The following ATF7 variants were observed in gnomAD, a reference collection of about 807,000 sequenced individuals.
ATF7 encodes cyclic AMP-dependent transcription factor ATF-7.
A neutral mutation model predicts 50.4 loss-of-function variants in ATF7; 10 were observed. The observed-to-expected ratio is 0.20, with a 90% CI of 0.12 to 0.34. The LOEUF (loss-of-function observed/expected upper bound fraction) is 0.34. Ranked by LOEUF, ATF7 falls within the 10% of genes least tolerant of loss-of-function variation. The pLI, the probability that ATF7 is intolerant of heterozygous loss-of-function variation, is 1.00. For missense variants in ATF7, 465 were observed against 613.9 expected (o/e 0.76, Z 2.56); for synonymous variants, 201 against 226.4 (o/e 0.89, Z 1.01).
intron 2 of ATF7, among the ~76,000 whole-genome samples, chr12:53,582,579 T>A (rs1942482774): frequency 6.6e-6 from 1 of 152,002 alleles, no homozygotes; most frequent in Non-Finnish European, 1.5e-5. Flanking sequence ...ATATATATTT[T>A]ATTTATTTAT....
intron 2 of ATF7, among the ~76,000 whole-genome samples, chr12:53,573,964 T>G (rs1179752274): frequency 6.6e-6 from 1 of 152,170 alleles, no homozygotes; most frequent in Non-Finnish European, 1.5e-5. Context: ...ACACTTCCAG[T>G]TCCCCTCCCT....
At chr12:53,607,442 CTCTAT>C (rs1943662139) in intron 1 of ATF7, among the ~76,000 whole-genome samples, 1 of 152,104 alleles carries the variant, frequency 6.6e-6, no homozygotes. Context: ...CTTTCAGTCT[CTCTAT>C]TCTAAGGATA....
chr12:53,614,137 A>G (rs1944013757), intron 1 of ATF7, among the ~76,000 whole-genome samples: 1 of 152,178 alleles, frequency 6.6e-6, no homozygotes, highest in Admixed American at 6.5e-5. Context: ...ACAGGCAACT[A>G]CTTGAAGTTT....
intron 1 of ATF7, among the ~76,000 whole-genome samples, chr12:53,623,209 C>A (rs1565611444): frequency 1.3e-5 from 2 of 152,074 alleles, no homozygotes; most frequent in African/African-American, 4.8e-5. Context: ...TTAGAGTATT[C>A]AAAAGTCAAA....
chr12:53,532,761 A>C, intron 7 of ATF7, 138 bp from the exon 8 acceptor site: 1 of 626,228 alleles, frequency 1.6e-6, no homozygotes, highest in Non-Finnish European at 2.8e-6. Flanking sequence ...TAGGGCGTGC[A>C]GGGACAGCCT....
At chr12:53,588,501 C>T (rs755529059) in intron 2 of ATF7, among the ~76,000 whole-genome samples, 17 of 152,292 alleles carry the variant, frequency 1.1e-4, no homozygotes, top group Non-Finnish European at 1.8e-4. Context: ...TTTCCTCTTA[C>T]CAATAAGTAT....
rs1315949715 is a variant in ATF7, at chr12:53,568,429, T to C, written c.49-15792A>G. On this transcript the variant is annotated intron_variant, in intron 2 of 11. Transcript: ENST00000420353. ...TCTCTCTCTCTTTCTCTCTCTCTCCTTCCCTCACTTTAAAATAATACCAAA... is the reference window on the plus strand; with the variant it reads ...TCTCTCTCTCTTTCTCTCTCTCTCCCTCCCTCACTTTAAAATAATACCAAA... Among the ~76,000 whole-genome samples the C allele has an allele frequency of 1.3e-5, 2 of 152,144 alleles. 1 individual carries two copies. Among genetic ancestry groups the C allele is most frequent in the Admixed American group, 1.3e-4 (2 of 15,274 alleles).
At chr12:53,525,906 T>A (rs1474061488) in intron 9 of ATF7, among the ~76,000 whole-genome samples, 1 of 152,088 alleles carries the variant, frequency 6.6e-6, no homozygotes, top group African/African-American at 2.4e-5. Flanking sequence ...CATGCAGATT[T>A]AAAAAAATAA....
chr12:53,590,952 C>T (rs1942913425), intron 2 of ATF7, among the ~76,000 whole-genome samples: 1 of 152,064 alleles, frequency 6.6e-6, no homozygotes, highest in African/African-American at 2.4e-5. Flanking sequence ...ATAGTAGATA[C>T]ATATTATTAT....
At chr12:53,537,057 G>A (rs985463843) in intron 5 of ATF7, among the ~76,000 whole-genome samples, 2 of 151,778 alleles carry the variant, frequency 1.3e-5, no homozygotes, top group African/African-American at 4.8e-5. Flanking sequence ...AAATACAATC[G>A]GTCCTCCTAT....
At position 53,517,364 on chromosome 12, in the gene ATF7, A is replaced by C; in HGVS notation, c.1235-10T>G. 1 of 1,609,678 alleles carries C rather than the reference A, an allele frequency of 6.2e-7. No individual in the cohort carries two copies. Among genetic ancestry groups the C allele is most frequent in the East Asian group, 2.2e-5 (1 of 44,840 alleles). On this transcript the variant is annotated splice_polypyrimidine_tract_variant and intron_variant, in intron 11 of 11. Coordinates refer to ENST00000420353, the MANE Select transcript of ATF7 (RefSeq NM_006856.3). ...CTTTCCTTGGGGCTTTCTGCCAGGA[A>C]GGAGGGCAAAGAGCAGAGAGCAATT...
chr12:53,622,864 T>C (rs1245952042), intron 1 of ATF7, among the ~76,000 whole-genome samples: 1 of 152,064 alleles, frequency 6.6e-6, no homozygotes. Context: ...TCCCAGCTAC[T>C]TGGAGGCTGG....
At chr12:53,600,859 G>A (rs973766768) in intron 2 of ATF7, 94 bp downstream of exon 2, 12 of 1,276,534 alleles carry the variant, frequency 9.4e-6, no homozygotes, top group African/African-American at 2.9e-5. Flanking sequence ...CAGTGATCAC[G>A]TAAAATACTG....
In ATF7 at chr12:53,552,580, T is replaced by G; in HGVS notation, c.106A>C (p.Lys36Gln). 3.1e-6 allele frequency: 5 copies of G among 1,613,986 alleles called. No homozygotes were observed. The highest frequency in any genetic ancestry group is 4.2e-6 in the Non-Finnish European group (5 of 1,179,866). Residue 36 changes from lysine (K) to glutamine (Q), a missense_variant, in exon 3 of 12, where the codon AAA (lysine) becomes CAA (glutamine). Lys to Gln is a moderately conservative substitution (Grantham distance 53). Coordinates refer to ENST00000420353, the MANE Select transcript of ATF7 (RefSeq NM_006856.3). ...VHKHKHEMTL[K>Q]FGPARTDSVI... ...GAGTCAGTTCGGGCTGGGCCAAATTTCAATGTCATCTCATGCTTGTGTTTA... is the reference window on the plus strand; with the variant it reads ...GAGTCAGTTCGGGCTGGGCCAAATTGCAATGTCATCTCATGCTTGTGTTTA...
At chr12:53,600,085 G>GA (rs1467906368) in intron 2 of ATF7, among the ~76,000 whole-genome samples, 1 of 152,194 alleles carries the variant, frequency 6.6e-6, no homozygotes, top group African/African-American at 2.4e-5. Context: ...ATTAGACAGA[G>GA]AAAATGTTTA....
intron 2 of ATF7, among the ~76,000 whole-genome samples, chr12:53,591,487 G>A: frequency 6.6e-6 from 1 of 152,060 alleles, no homozygotes; most frequent in East Asian, 1.9e-4. Flanking sequence ...CACTTAAAAG[G>A]GACACTGAGT....
intron 1 of ATF7, among the ~76,000 whole-genome samples, chr12:53,622,937 G>A (rs1472682064): frequency 6.6e-6 from 1 of 152,182 alleles, no homozygotes; most frequent in Non-Finnish European, 1.5e-5. Context: ...GATAACTTTA[G>A]CCTAGGAGTT....
chr12:53,583,531 A>C (rs1233680662), intron 2 of ATF7, among the ~76,000 whole-genome samples: 2 of 151,954 alleles, frequency 1.3e-5, no homozygotes, highest in African/African-American at 4.8e-5. Flanking sequence ...AATAAATGTA[A>C]TTTGCTTGAA....
intron 1 of ATF7, among the ~76,000 whole-genome samples, chr12:53,620,588 A>AG (rs1944339596): frequency 6.7e-6 from 1 of 150,308 alleles, no homozygotes; most frequent in Non-Finnish European, 1.5e-5. Context: ...AAAAAAAAAA[A>AG]AAAAAAAAAA....
Sources: gnomAD v4.1 joint callset for allele counts (sites outside exome capture counted in the v4.1 genomes callset) on GRCh38, gnomAD v4.1.1 for gene constraint, MANE v1.5 for transcripts, NCBI Gene and HGNC (gene_info 2026-07-23, HGNC 2026-07-21) for gene names.